Variants in ECE2 observed in about 807,000 individuals in gnomAD.
ECE2 encodes endothelin-converting enzyme 2.
Under a neutral mutation model 100.6 loss-of-function variants are expected in ECE2, and 81 were observed. The observed-to-expected ratio is 0.81, with a 90% CI of 0.67 to 0.97. ECE2 has a LOEUF of 0.97. Among genes scored for constraint, ECE2 ranks in the 50% least tolerant of loss-of-function variants. The pLI is 0.00. For missense variants in ECE2, 911 were observed against 988.1 expected, an observed-to-expected ratio of 0.92 and a Z score of 1.05; for synonymous variants, 391 against 391.5, an observed-to-expected ratio of 1.00 and a Z score of 0.02.
chr3:184,287,462 C>T (rs1488740924), intron 10 of ECE2, among the ~76,000 whole-genome samples: 1 of 151,868 alleles, frequency 6.6e-6, no homozygotes, highest in African/African-American at 2.4e-5. Flanking sequence ...GAGGCCAAAG[C>T]GGGCAGATCA....
chr3:184,287,193 G>A (rs910656837), intron 10 of ECE2, among the ~76,000 whole-genome samples: 3 of 151,458 alleles, frequency 2.0e-5, no homozygotes, highest in East Asian at 3.9e-4. Context: ...GGAGAATGGC[G>A]TGAACCCGGG....
In ECE2 at chr3:184,283,997, A is replaced by G. The variant is rs774424353; in HGVS notation, c.1005+24A>G. ...AGGTGGGGCAGGCAGGGGGCTGGAG[A>G]CAACTGAGAGGGGCCAGCCTTGGCA... On this transcript the variant is annotated intron_variant, in intron 8 of 18. Transcript: ENST00000404464. The G allele has an allele frequency of 3.7e-6, 6 of 1,611,734 alleles. No individual in the cohort carries two copies. In the East Asian group the frequency reaches 1.3e-4, roughly 36 times the overall value.
In ECE2 at chr3:184,276,553, C is replaced by A. The variant is rs1338465194; in HGVS notation, c.112C>A (p.Pro38Thr). ...GACCCCCGTAGAGGGCGGGGCCTCC[C>A]CGGACGCCATGGAGGTGGGCAAGGG... ...PETPVEGGAS[P>T]DAMEVGFQKG... Residue 38 changes from proline (P) to threonine (T), a missense_variant, in exon 2 of 19, where the codon CCG (proline) becomes ACG (threonine). Pro to Thr is a conservative substitution (Grantham distance 38). Transcript: ENST00000404464. The A allele has an allele frequency of 4.3e-6, 7 of 1,610,774 alleles. No homozygotes were observed. The highest frequency in any genetic ancestry group is 1.7e-6 in the Non-Finnish European group (2 of 1,179,288).
In ECE2 at chr3:184,292,489, G is replaced by C. The variant is rs1274916599; in HGVS notation, c.*251G>C. The C allele has an allele frequency of 3.7e-6, 2 of 541,048 alleles. No individual in the cohort carries two copies. The highest frequency in any genetic ancestry group is 3.8e-5 in the African/African-American group (2 of 52,960). The allele number at this position is 541,048 out of a possible 1,614,324, so 33.5% of individuals were successfully genotyped here. ...TTTCCGTGTCACCCTGCCTGGAAGA[G>C]GTCTGGGTGGGGAGGCCAGTTCCCA... On this transcript the variant is annotated 3_prime_UTR_variant, in exon 19 of 19. Coordinates refer to ENST00000404464, the MANE Select transcript of ECE2 (RefSeq NM_001100121.2).
intron 7 of ECE2, among the ~76,000 whole-genome samples, chr3:184,280,711 G>A (rs917769671): frequency 3.3e-5 from 5 of 152,030 alleles, no homozygotes; most frequent in Admixed American, 2.6e-4. Context: ...GGGTGTGGTG[G>A]CTCTCACCTG....
chr3:184,292,329 A>G lies in ECE2; in HGVS notation c.*91A>G. 6.7e-7 allele frequency: 1 copy of G among 1,502,758 alleles called. No homozygotes were observed. The highest frequency in any genetic ancestry group is 9.1e-7 in the Non-Finnish European group (1 of 1,098,920). 93.1% of individuals were successfully genotyped at this position (1,502,758 alleles called of 1,614,324 possible). On this transcript the variant is annotated 3_prime_UTR_variant, in exon 19 of 19. Transcript: ENST00000404464. ...TTGCTCTTGGGTTGGGAGGAAGCAA[A>G]TGCAAGCTGGGCTGGGTCTAGTCCC...
rs1322991837 is a variant in ECE2 at position 184,283,902 on chromosome 3, A to C, written c.934A>C (p.Ile312Leu). 1.9e-6 allele frequency: 3 copies of C among 1,613,962 alleles called. No individual in the cohort carries two copies. In the African/African-American group the frequency reaches 4.0e-5, roughly 22 times the overall value. The change falls in exon 8 of 19, where the codon ATC becomes CTC. Residue 312 changes from isoleucine (I) to leucine (L), a missense_variant. Coordinates refer to ENST00000404464, the MANE Select transcript of ECE2 (RefSeq NM_001100121.2). ...VLELEIQLAN[I>L]TVPQDQRRDE... ...GGAGTTGGAGATACAGCTGGCCAAC[A>C]TCACAGTGCCCCAGGACCAGCGGCG...
In ECE2 at chr3:184,290,539, T is replaced by C; in HGVS notation, c.1656-18T>C. ...CAGGAGAGTCGGGAGCCTCAGCCCC[T>C]CACTCTTCCTCCGCCAGGTGGAGCA... On this transcript the variant is annotated intron_variant, in intron 14 of 18. Coordinates refer to ENST00000404464, the MANE Select transcript of ECE2 (RefSeq NM_001100121.2). 2.5e-6 allele frequency: 4 copies of C among 1,610,450 alleles called. No individual in the cohort carries two copies. Among genetic ancestry groups the C allele is most frequent in the Non-Finnish European group, 1.7e-6 (2 of 1,177,160 alleles).
intron 6 of ECE2, 84 bp from the exon 7 acceptor site, chr3:184,278,408 G>A (rs976921331): frequency 2.0e-5 from 31 of 1,574,710 alleles, no homozygotes; most frequent in East Asian, 2.3e-5. Flanking sequence ...CTGACCCCCC[G>A]GCCCCACCCC....
Position 184,292,361 on chromosome 3 carries a change from C to A in ECE2, c.*123C>A, listed in dbSNP as rs1163407668. ...CTGGGCTGGGTCTAGTCCCTCCCCC[C>A]CACAGGTGACATGAGTACAGACCCT... On this transcript the variant is annotated 3_prime_UTR_variant, in exon 19 of 19. Transcript: ENST00000404464. The A allele has an allele frequency of 1.4e-5, 16 of 1,138,932 alleles. No homozygotes were observed. The highest frequency in any genetic ancestry group is 3.0e-5 in the South Asian group (2 of 67,692). 70.6% of individuals were successfully genotyped at this position (1,138,932 alleles called of 1,614,324 possible). A position where few individuals can be genotyped will look rare whatever the true frequency, so the allele number is the denominator to read the frequency against.
chr3:184,283,058 G>A (rs965909538), intron 7 of ECE2, among the ~76,000 whole-genome samples: 5 of 152,164 alleles, frequency 3.3e-5, no homozygotes, highest in Admixed American at 6.5e-5. Context: ...CATGGTCACT[G>A]ATGGGCTGGG....
At chr3:184,277,614 G>A in intron 4 of ECE2, 148 bp downstream of exon 4, 1 of 963,844 alleles carries the variant, frequency 1.0e-6, no homozygotes, top group Non-Finnish European at 1.5e-6. Flanking sequence ...AGAGAGCAGG[G>A]GACTATTGAG....
intron 8 of ECE2, among the ~76,000 whole-genome samples, chr3:184,284,744 A>G (rs1720959474): frequency 1.3e-5 from 2 of 152,124 alleles, no homozygotes; most frequent in Non-Finnish European, 2.9e-5. Flanking sequence ...GCCCCAGCTG[A>G]ATGTCACATG....
rs777413523 is a variant in ECE2, at chr3:184,277,364, G to A, written c.376G>A (p.Gly126Arg). 1 of 1,614,236 alleles carries A rather than the reference G, an allele frequency of 6.2e-7. No homozygotes were observed. Among genetic ancestry groups the A allele is most frequent in the Admixed American group, 1.7e-5 (1 of 60,030 alleles). ...TGAGGACTTTTACCAGTTCTCCTGT[G>A]GGGGCTGGATTCGGAGGAACCCCCT... is the stretch of plus-strand genomic sequence containing the variant. ...PCEDFYQFSC[G>R]GWIRRNPLPD... The change falls in exon 4 of 19, where the codon GGG (glycine) becomes AGG (arginine). Residue 126 changes from glycine to arginine, a missense_variant. Transcript: ENST00000404464.
chr3:184,291,440 G>T lies in ECE2; in HGVS notation c.2121+1G>T, dbSNP rs775092285. The T allele has an allele frequency of 2.5e-6, 4 of 1,579,890 alleles. No individual in the cohort carries two copies. Among genetic ancestry groups the T allele is most frequent in the East Asian group, 4.5e-5 (2 of 44,722 alleles). On this transcript the variant is annotated splice_donor_variant, in intron 18 of 18. Transcript: ENST00000404464. LOFTEE classifies it high-confidence loss of function. The surrounding 1 kb of genome is among the most constrained non-coding windows in gnomAD (Gnocchi z 4.1). Reference sequence around the variant, plus strand: ...GCTCTTCTTCGTGGGATTTGCCCAGGTATCACCCTCTCGGAAGGCCTGGGG... The same window carrying T: ...GCTCTTCTTCGTGGGATTTGCCCAGTTATCACCCTCTCGGAAGGCCTGGGG...
Position 184,291,552 on chromosome 3 carries a change from G to A in ECE2, c.2121+113G>A. On this transcript the variant is annotated intron_variant, in intron 18 of 18. Transcript: ENST00000404464. The surrounding 1 kb of genome is among the most constrained non-coding windows in gnomAD (Gnocchi z 4.1). ...AAACGGGCTGGTGAATGGGGCTGAGGCTGGGGCATGAAAGGTGGGCTGGGA... is the reference window on the plus strand; with the variant it reads ...AAACGGGCTGGTGAATGGGGCTGAGACTGGGGCATGAAAGGTGGGCTGGGA... 1 of 1,072,478 alleles carries A rather than the reference G, an allele frequency of 9.3e-7. No homozygotes were observed. The highest frequency in any genetic ancestry group is 1.3e-6 in the Non-Finnish European group (1 of 767,456). The allele number at this position is 1,072,478 out of a possible 1,614,324, so 66.4% of individuals were successfully genotyped here.
rs991081272 is a variant in ECE2, at chr3:184,279,735, A to G, written c.816+1178A>G. ...GGCAAGGGGTCCACTGTGGTAAAATATAGAACTCAAGGCAGATGAGAGGCT... is the reference window on the plus strand; with the variant it reads ...GGCAAGGGGTCCACTGTGGTAAAATGTAGAACTCAAGGCAGATGAGAGGCT... On this transcript the variant is annotated intron_variant, in intron 7 of 18. Transcript: ENST00000404464. 1.8e-4 allele frequency among the ~76,000 whole-genome samples: 28 copies of G among 152,010 alleles called. 1 individual carries two copies. Among genetic ancestry groups the G allele is most frequent in the Admixed American group, 1.8e-3 (28 of 15,244 alleles).
At chr3:184,286,949 G>A (rs1056562889) in intron 10 of ECE2, among the ~76,000 whole-genome samples, 11 of 151,644 alleles carry the variant, frequency 7.3e-5, no homozygotes, top group Admixed American at 2.6e-4. Context: ...CATTTTCCCC[G>A]TCCACTTGAG....
chr3:184,292,474 A>C lies in ECE2; in HGVS notation c.*236A>C, dbSNP rs1577150472. 21 of 536,648 alleles carry C rather than the reference A, an allele frequency of 3.9e-5. No homozygotes were observed. The highest frequency in any genetic ancestry group is 1.1e-4 in the South Asian group (4 of 37,618). 33.2% of individuals were successfully genotyped at this position (536,648 alleles called of 1,614,324 possible). A position where few individuals can be genotyped will look rare whatever the true frequency, so the allele number is the denominator to read the frequency against. On this transcript the variant is annotated 3_prime_UTR_variant, in exon 19 of 19. Coordinates refer to ENST00000404464, the MANE Select transcript of ECE2 (RefSeq NM_001100121.2). The stretch of plus-strand genomic sequence containing the variant: ...ATTCACTGTGACATCTTTCCGTGTC[A>C]CCCTGCCTGGAAGAGGTCTGGGTGG...
Sources: gnomAD v4.1 joint callset for allele counts (sites outside exome capture counted in the v4.1 genomes callset) on GRCh38, gnomAD v4.1.1 for gene constraint, Gnocchi (gnomAD v3.1) non-coding constraint, MANE v1.5 for transcripts, NCBI Gene and HGNC (gene_info 2026-07-23, HGNC 2026-07-21) for gene names.